The following PACRG variants were observed in gnomAD, a reference collection of about 807,000 sequenced individuals.
PACRG encodes the protein parkin coregulated.
A neutral mutation model predicts 29.7 loss-of-function variants in PACRG; 29 were observed. That is an observed-to-expected ratio of 0.98 (90% CI 0.73 to 1.33). The LOEUF (loss-of-function observed/expected upper bound fraction) is 1.33, where lower values mean the gene tolerates loss of function less well. Among genes scored for constraint, PACRG ranks in the 40% most tolerant of loss-of-function variants. The pLI is 0.00. For missense variants in PACRG, 279 were observed against 316.2 expected (o/e 0.88, Z 0.89); for synonymous variants, 116 against 118.7 (o/e 0.98, Z 0.15).
intron 2 of PACRG, among the ~76,000 whole-genome samples, chr6:162,830,023 G>A (rs1788614349): frequency 6.6e-6 from 1 of 152,168 alleles, no homozygotes; most frequent in South Asian, 2.1e-4. Context: ...GTAAACAGGA[G>A]GAAGGGCGTG....
At chr6:163,106,593 A>G (rs191547532) in intron 4 of PACRG, among the ~76,000 whole-genome samples, 6 of 152,360 alleles carry the variant, frequency 3.9e-5, no homozygotes, top group Admixed American at 3.9e-4. Flanking sequence ...AATGTATAAC[A>G]TGAGCAATAA....
At chr6:162,729,742 G>GT (rs1438433290) in intron 1 of PACRG, among the ~76,000 whole-genome samples, 2 of 150,676 alleles carry the variant, frequency 1.3e-5, no homozygotes, top group African/African-American at 4.9e-5. Context: ...GTTCTTTTCT[G>GT]TTTTTTCCTA....
At chr6:162,864,831 C>G (rs1792158942) in intron 2 of PACRG, among the ~76,000 whole-genome samples, 1 of 152,184 alleles carries the variant, frequency 6.6e-6, no homozygotes, top group South Asian at 2.1e-4. Flanking sequence ...ACTACATGTA[C>G]TAGACGTTTG....
At chr6:163,144,353 C>T (rs939838390) in intron 4 of PACRG, among the ~76,000 whole-genome samples, 109 of 130,106 alleles carry the variant, frequency 8.4e-4, no homozygotes, top group African/African-American at 2.5e-3. Context: ...TACATACACA[C>T]ACACACACAC....
intron 2 of PACRG, among the ~76,000 whole-genome samples, chr6:163,013,213 A>T (rs1017335598): frequency 6.6e-6 from 1 of 151,930 alleles, no homozygotes; most frequent in Non-Finnish European, 1.5e-5. Context: ...TTTCTTTTGG[A>T]TAAGGACGGC....
At chr6:162,970,700 T>G (rs145860192) in intron 2 of PACRG, among the ~76,000 whole-genome samples, 1 of 152,214 alleles carries the variant, frequency 6.6e-6, no homozygotes, top group South Asian at 2.1e-4. Flanking sequence ...TGAAAGTTGT[T>G]GAGAGAGCTA....
chr6:162,915,816 T>C (rs1796661058), intron 2 of PACRG, among the ~76,000 whole-genome samples: 1 of 152,154 alleles, frequency 6.6e-6, no homozygotes, highest in Admixed American at 6.5e-5. Context: ...CATAGAGGTC[T>C]CTTTGCCACC....
chr6:163,290,581 T>C (rs1356470658), intron 4 of PACRG, among the ~76,000 whole-genome samples: 1 of 152,150 alleles, frequency 6.6e-6, no homozygotes, highest in Admixed American at 6.6e-5. Context: ...GGCAAACCAC[T>C]TCACTTCTCC....
chr6:162,902,919 G>T (rs1308664243), intron 2 of PACRG, among the ~76,000 whole-genome samples: 2 of 152,062 alleles, frequency 1.3e-5, no homozygotes, highest in East Asian at 3.8e-4. Flanking sequence ...AAGACAAGAA[G>T]ATAATATATT....
chr6:162,829,422 G>A lies in PACRG; in HGVS notation c.291+15141G>A, dbSNP rs559810860. ...AGAGATGAAACTGAGTATTAAAGAC[G>A]TGCACTATTCATTTGTTTGTTCTGA... is the stretch of plus-strand genomic sequence containing the variant. On this transcript the variant is annotated intron_variant, in intron 2 of 4. Coordinates refer to ENST00000366888, the MANE Select transcript of PACRG (RefSeq NM_001080379.2). Among the ~76,000 whole-genome samples the A allele has an allele frequency of 1.6e-3, 246 of 152,336 alleles. 1 individual carries two copies. The highest frequency in any genetic ancestry group is 5.4e-3 in the African/African-American group (225 of 41,584).
chr6:162,727,942 G>A (rs1264495053), upstream of PACRG: 11 of 593,752 alleles, frequency 1.9e-5, no homozygotes, highest in Admixed American at 6.0e-5. Flanking sequence ...TCACCGGGGG[G>A]CGGGGCTATG....
intron 1 of PACRG, among the ~76,000 whole-genome samples, chr6:162,740,354 A>C (rs1219552590): frequency 6.6e-6 from 1 of 151,278 alleles, no homozygotes; most frequent in Non-Finnish European, 1.5e-5. Flanking sequence ...TCTGTCACCC[A>C]GGCTGGAGTG....
chr6:162,919,034 G>A (rs1796885680), intron 2 of PACRG, among the ~76,000 whole-genome samples: 1 of 152,112 alleles, frequency 6.6e-6, no homozygotes, highest in Non-Finnish European at 1.5e-5. Flanking sequence ...TAGAGGGGAT[G>A]AAGCCCTACA....
At chr6:163,025,188 C>T (rs1280840637) in intron 2 of PACRG, among the ~76,000 whole-genome samples, 4 of 152,116 alleles carry the variant, frequency 2.6e-5, no homozygotes, top group Admixed American at 2.6e-4. Flanking sequence ...ACAAGAATGC[C>T]CACTCTTACA....
chr6:162,954,704 T>C (rs1020432770), intron 2 of PACRG, among the ~76,000 whole-genome samples: 1 of 152,154 alleles, frequency 6.6e-6, no homozygotes, highest in Non-Finnish European at 1.5e-5. Context: ...GAAACTGTAC[T>C]GATGAATGAA....
chr6:163,195,560 C>CT (rs1388271922), intron 4 of PACRG, among the ~76,000 whole-genome samples: 1 of 152,152 alleles, frequency 6.6e-6, no homozygotes, highest in East Asian at 1.9e-4. Flanking sequence ...ATCGTTCCCC[C>CT]GCTTCCCAGA....
intron 4 of PACRG, among the ~76,000 whole-genome samples, chr6:163,267,946 T>C (rs1471979846): frequency 6.6e-6 from 1 of 152,250 alleles, no homozygotes; most frequent in Admixed American, 6.5e-5. Context: ...GAAGAATTTA[T>C]AACTAACAGA....
At chr6:163,239,788 A>ACT (rs1782397670) in intron 4 of PACRG, among the ~76,000 whole-genome samples, 2 of 137,294 alleles carry the variant, frequency 1.5e-5, no homozygotes, top group Non-Finnish European at 3.1e-5. Context: ...ACACACACAC[A>ACT]CACTCACACA....
intron 4 of PACRG, among the ~76,000 whole-genome samples, chr6:163,122,499 C>A (rs1486758677): frequency 6.6e-6 from 1 of 152,174 alleles, no homozygotes. Context: ...AGTTCTCACC[C>A]TGCTGTTCCC....
Sources: gnomAD v4.1 joint callset for allele counts (sites outside exome capture counted in the v4.1 genomes callset) on GRCh38, gnomAD v4.1.1 for gene constraint, MANE v1.5 for transcripts, NCBI Gene and HGNC (gene_info 2026-07-23, HGNC 2026-07-21) for gene names.